Variants in RPS6KA2 observed in about 807,000 individuals in gnomAD.
The protein encoded by RPS6KA2 is ribosomal protein S6 kinase alpha-2.
Under a neutral mutation model 91.8 loss-of-function variants are expected in RPS6KA2, and 42 were observed. The observed-to-expected ratio is 0.46, with a 90% CI of 0.36 to 0.59. RPS6KA2 has a LOEUF of 0.59. Ranked by LOEUF, RPS6KA2 falls within the 20% of genes least tolerant of loss-of-function variation. RPS6KA2 has a pLI of 0.00. For missense variants in RPS6KA2, 798 were observed against 978.5 expected, an observed-to-expected ratio of 0.82 and a Z score of 2.46; for synonymous variants, 414 against 393.6, an observed-to-expected ratio of 1.05 and a Z score of -0.61.
intron 2 of RPS6KA2, among the ~76,000 whole-genome samples, chr6:166,731,737 C>T (rs1790525715): frequency 6.6e-6 from 1 of 152,028 alleles, no homozygotes; most frequent in African/African-American, 2.4e-5. Context: ...TAATCTGCGA[C>T]CAGATGTACA....
chr6:166,745,417 G>A (rs896193297), intron 2 of RPS6KA2, among the ~76,000 whole-genome samples: 15 of 152,142 alleles, frequency 9.9e-5, no homozygotes, highest in African/African-American at 3.4e-4. Context: ...CTCCCAAAGT[G>A]TTGGGATTCC....
At chr6:166,424,727 G>A (rs1234395400) in intron 16 of RPS6KA2, among the ~76,000 whole-genome samples, 1 of 152,214 alleles carries the variant, frequency 6.6e-6, no homozygotes, top group African/African-American at 2.4e-5. Flanking sequence ...ATCACGGTGA[G>A]GCCCACGTGA....
chr6:166,765,397 G>A (rs1196729586), intron 2 of RPS6KA2, among the ~76,000 whole-genome samples: 1 of 152,122 alleles, frequency 6.6e-6, no homozygotes, highest in East Asian at 1.9e-4. Context: ...CATGGCCCCC[G>A]CACCTGCTCC....
chr6:166,585,186 G>T (rs1785129614), intron 1 of RPS6KA2, among the ~76,000 whole-genome samples: 1 of 152,224 alleles, frequency 6.6e-6, no homozygotes, highest in Non-Finnish European at 1.5e-5. Flanking sequence ...GAAAAAAGAT[G>T]CAGCTCTGGC....
chr6:166,531,421 AACAAGTAC>A (rs1448097627), intron 2 of RPS6KA2, 108 bp from the exon 3 acceptor site: 1 of 843,296 alleles, frequency 1.2e-6, no homozygotes, highest in African/African-American at 1.7e-5. Context: ...TTTTCAATAA[AACAAGTAC>A]ACTGGTGAGA....
At position 166,770,847 on chromosome 6, in the gene RPS6KA2, C is replaced by A. The variant is rs1222106716; in HGVS notation, c.123+87353G>T. 1.3e-6 allele frequency: 2 copies of A among 1,582,428 alleles called. No homozygotes were observed. The highest frequency in any genetic ancestry group is 2.7e-5 in the African/African-American group (2 of 73,982). ...ATAAGCATGGAAAAAAACAAACCCA[C>A]AGGAACGCTTCTTACCTCTACGGAT... On this transcript the variant is annotated intron_variant, in intron 2 of 21. Transcript: ENST00000503859. This position sits in a 1 kb window ranked among gnomAD's most constrained non-coding sequence, Gnocchi z 5.1.
intron 2 of RPS6KA2, among the ~76,000 whole-genome samples, chr6:166,760,368 C>T (rs575903216): frequency 6.6e-6 from 1 of 152,200 alleles, no homozygotes; most frequent in African/African-American, 2.4e-5. Context: ...CTGGTCTAAT[C>T]TCCAAAGGAA....
chr6:166,414,462 T>TA (rs1778430512), intron 19 of RPS6KA2, among the ~76,000 whole-genome samples: 1 of 152,202 alleles, frequency 6.6e-6, no homozygotes, highest in South Asian at 2.1e-4. Context: ...GTCGTAGCAG[T>TA]AAAAACCTCT....
chr6:166,576,302 C>T (rs1018674136), intron 1 of RPS6KA2, among the ~76,000 whole-genome samples: 6 of 152,070 alleles, frequency 3.9e-5, no homozygotes, highest in Admixed American at 2.0e-4. Context: ...AAAACATACA[C>T]GAAAATGTGG....
At chr6:166,766,694 C>G (rs1778319620) in intron 2 of RPS6KA2, among the ~76,000 whole-genome samples, 1 of 152,242 alleles carries the variant, frequency 6.6e-6, no homozygotes, top group African/African-American at 2.4e-5. Flanking sequence ...GACTACAGCA[C>G]TATTTTCTGC....
rs536004809 is a variant in RPS6KA2, at chr6:166,812,335, G to A, written c.123+45865C>T. Among the ~76,000 whole-genome samples the A allele has an allele frequency of 1.4e-3, 218 of 152,276 alleles. 1 individual carries two copies. Among genetic ancestry groups the A allele is most frequent in the Middle Eastern group, 6.8e-3 (2 of 294 alleles). ...CGTGCTGCTGCACCCTGGCCTGGGC[G>A]ACAGAGTGAGACTCCATCTCAAAAA... On this transcript the variant is annotated intron_variant, in intron 2 of 21. Transcript: ENST00000503859.
chr6:166,751,068 C>A (rs1243818500), intron 2 of RPS6KA2, among the ~76,000 whole-genome samples: 1 of 152,200 alleles, frequency 6.6e-6, no homozygotes, highest in East Asian at 1.9e-4. Context: ...AAGTTTATAA[C>A]CCTCACGCAG....
At chr6:166,582,580 GA>G (rs763278739) in intron 1 of RPS6KA2, among the ~76,000 whole-genome samples, 5 of 152,136 alleles carry the variant, frequency 3.3e-5, no homozygotes, top group Non-Finnish European at 5.9e-5. Context: ...AGTATGCAAT[GA>G]ATTTTTATCA....
At chr6:166,455,479 G>T (rs1358976383) in intron 12 of RPS6KA2, among the ~76,000 whole-genome samples, 1 of 152,110 alleles carries the variant, frequency 6.6e-6, no homozygotes, top group Non-Finnish European at 1.5e-5. Flanking sequence ...CCTCAAAGGG[G>T]CCAAAAAAGG....
intron 2 of RPS6KA2, among the ~76,000 whole-genome samples, chr6:166,765,943 T>C (rs375037754): frequency 1.3e-5 from 2 of 152,208 alleles, no homozygotes; most frequent in East Asian, 1.9e-4. Context: ...CTCCAGCCTG[T>C]TAGGAACAAA....
chr6:166,630,159 C>T (rs543635549), upstream of RPS6KA2, among the ~76,000 whole-genome samples: 1 of 152,178 alleles, frequency 6.6e-6, no homozygotes, highest in South Asian at 2.1e-4. Flanking sequence ...AATAACAGGG[C>T]ACTGTCAGGC....
intron 2 of RPS6KA2, among the ~76,000 whole-genome samples, chr6:166,718,100 G>A (rs1225966913): frequency 1.3e-5 from 2 of 152,074 alleles, no homozygotes. Flanking sequence ...CACCCACCTC[G>A]GCCTCCCAAA....
chr6:166,725,758 C>T (rs1456312513), intron 2 of RPS6KA2, among the ~76,000 whole-genome samples: 1 of 152,214 alleles, frequency 6.6e-6, no homozygotes, highest in Admixed American at 6.5e-5. Context: ...CTTCCTCGGG[C>T]CAGCGTGGAC....
chr6:166,579,873 G>C (rs1214602259), intron 1 of RPS6KA2, among the ~76,000 whole-genome samples: 5 of 152,068 alleles, frequency 3.3e-5, no homozygotes, highest in Non-Finnish European at 7.4e-5. Context: ...CTCACATACT[G>C]TTTTGAGAAG....
Sources: gnomAD v4.1 joint callset for allele counts (sites outside exome capture counted in the v4.1 genomes callset) on GRCh38, gnomAD v4.1.1 for gene constraint, Gnocchi (gnomAD v3.1) non-coding constraint, MANE v1.5 for transcripts, NCBI Gene and HGNC (gene_info 2026-07-23, HGNC 2026-07-21) for gene names.